Variants in LINGO2 observed in about 807,000 individuals in gnomAD.
LINGO2 encodes leucine rich repeat and Ig domain containing 2.
In LINGO2, 14 loss-of-function variants were observed where a neutral mutation model predicts 30.6. The ratio of observed to expected loss-of-function variants is 0.46; its 90% CI spans 0.30 to 0.72. The LOEUF (loss-of-function observed/expected upper bound fraction) is 0.72, where lower values mean the gene tolerates loss of function less well. Ranked by LOEUF, LINGO2 falls within the 30% of genes least tolerant of loss-of-function variation. The pLI is 0.07. For synonymous variants in LINGO2, 317 were observed against 288.5 expected, an observed-to-expected ratio of 1.10 and a Z score of -1.00; for missense variants, 729 against 751.7, an observed-to-expected ratio of 0.97 and a Z score of 0.35.
At chr9:27,965,182 G>T (rs981789397) in intron 5 of LINGO2, among the ~76,000 whole-genome samples, 1 of 152,008 alleles carries the variant, frequency 6.6e-6, no homozygotes, top group Non-Finnish European at 1.5e-5. Flanking sequence ...GAAGGGGAAA[G>T]AAACTTTTCT....
At chr9:28,304,354 T>C (rs1824262330) in intron 3 of LINGO2, among the ~76,000 whole-genome samples, 1 of 151,324 alleles carries the variant, frequency 6.6e-6, no homozygotes, top group Non-Finnish European at 1.5e-5. Context: ...TATACACATA[T>C]ACTGATTTAT....
chr9:28,718,094 G>C, the LINGO2 span, among the ~76,000 whole-genome samples: 4 of 151,188 alleles, frequency 2.6e-5, no homozygotes, highest in Non-Finnish European at 4.4e-5. Flanking sequence ...AAATTTAAAA[G>C]ATTAATTTCA....
At chr9:28,550,554 G>C (rs901354653) in intron 1 of LINGO2, among the ~76,000 whole-genome samples, 7 of 151,324 alleles carry the variant, frequency 4.6e-5, no homozygotes, top group Non-Finnish European at 8.9e-5. Context: ...TATTATTTCA[G>C]TAATTGTCAG....
At chr9:28,718,191 A>C in the LINGO2 span, among the ~76,000 whole-genome samples, 1 of 151,916 alleles carries the variant, frequency 6.6e-6, no homozygotes, top group East Asian at 1.9e-4. Context: ...AAAAAAAAAC[A>C]AACCATGTGA....
intron 1 of LINGO2, among the ~76,000 whole-genome samples, chr9:28,616,952 G>A (rs554853920): frequency 1.3e-5 from 2 of 152,156 alleles, no homozygotes; most frequent in South Asian, 4.2e-4. Flanking sequence ...ATATATGTTT[G>A]TTTGTTTTTT....
At chr9:28,505,107 C>G (rs1202956414) in intron 1 of LINGO2, among the ~76,000 whole-genome samples, 2 of 151,870 alleles carry the variant, frequency 1.3e-5, no homozygotes, top group African/African-American at 4.8e-5. Flanking sequence ...GAAGAAGCAA[C>G]AGTAAGTTAC....
chr9:28,866,444 C>T, the LINGO2 span, among the ~76,000 whole-genome samples: 6,389 of 151,974 alleles, frequency 0.042, 438 homozygotes, highest in African/African-American at 0.14. Context: ...CAGAGTACCA[C>T]GGGGCATACA....
At chr9:28,739,458 G>T in the LINGO2 span, among the ~76,000 whole-genome samples, 1 of 151,812 alleles carries the variant, frequency 6.6e-6, no homozygotes, top group Admixed American at 6.6e-5. Flanking sequence ...AATGAAAAGA[G>T]TAAATACATA....
chr9:28,719,891 T>C, the LINGO2 span, among the ~76,000 whole-genome samples: 4 of 152,160 alleles, frequency 2.6e-5, no homozygotes, highest in African/African-American at 9.6e-5. Flanking sequence ...ATTATGTAAA[T>C]TGCATGAACT....
chr9:28,309,147 G>T (rs1564112355), intron 3 of LINGO2, among the ~76,000 whole-genome samples: 2 of 152,114 alleles, frequency 1.3e-5, no homozygotes, highest in Non-Finnish European at 2.9e-5. Context: ...GTTTATTGTG[G>T]CATTATTCAC....
chr9:28,643,348 A>C (rs561138857), intron 1 of LINGO2, among the ~76,000 whole-genome samples: 1 of 152,184 alleles, frequency 6.6e-6, no homozygotes, highest in Admixed American at 6.5e-5. Flanking sequence ...AGACACATAG[A>C]CCAACGGAAC....
At chr9:27,973,372 T>C (rs903800271) in intron 5 of LINGO2, among the ~76,000 whole-genome samples, 2 of 152,168 alleles carry the variant, frequency 1.3e-5, no homozygotes, top group East Asian at 1.9e-4. Flanking sequence ...GAATCTTCAC[T>C]GTTCATGAAC....
chr9:28,081,207 G>C (rs1825762617), intron 4 of LINGO2, among the ~76,000 whole-genome samples: 1 of 151,318 alleles, frequency 6.6e-6, no homozygotes, highest in African/African-American at 2.4e-5. Context: ...CCCTGTTGTG[G>C]CAAATAAAAC....
intron 4 of LINGO2, among the ~76,000 whole-genome samples, chr9:28,214,120 A>G (rs1820686033): frequency 6.6e-6 from 1 of 151,636 alleles, no homozygotes. Context: ...TGGAGTAGAG[A>G]GAAAGTAAGA....
the LINGO2 span, among the ~76,000 whole-genome samples, chr9:29,172,196 ATAGT>A: frequency 2.0e-5 from 3 of 151,866 alleles, no homozygotes; most frequent in African/African-American, 7.2e-5. Context: ...AGTATTTTTG[ATAGT>A]TATTCATTTT....
rs1453668018 is a variant in LINGO2, at chr9:28,291,502, T to C, written c.-87+3706A>G. Reference sequence around the variant, plus strand: ...AAATGCTCTGCCCGTATGGAAGTTATAGTCTAATAGCTGCCAAGAGTTTTT... The same window carrying C: ...AAATGCTCTGCCCGTATGGAAGTTACAGTCTAATAGCTGCCAAGAGTTTTT... On this transcript the variant is annotated intron_variant, in intron 4 of 5. Transcript: ENST00000379992. 3.9e-5 allele frequency among the ~76,000 whole-genome samples: 6 copies of C among 152,288 alleles called. No homozygotes were observed. The East Asian group carries it at 1.2e-3, about 29-fold the overall frequency.
chr9:28,552,366 A>G (rs920009364), intron 1 of LINGO2, among the ~76,000 whole-genome samples: 11 of 152,210 alleles, frequency 7.2e-5, no homozygotes, highest in African/African-American at 2.2e-4. Context: ...TAAAAGTCTT[A>G]AATACTTTGT....
At chr9:28,493,929 C>G (rs1213522368) in intron 1 of LINGO2, among the ~76,000 whole-genome samples, 1 of 152,158 alleles carries the variant, frequency 6.6e-6, no homozygotes, top group African/African-American at 2.4e-5. Context: ...TGGGACTTGA[C>G]TGGCTTCCTC....
intron 1 of LINGO2, among the ~76,000 whole-genome samples, chr9:28,584,815 G>C (rs1026238134): frequency 4.4e-4 from 67 of 151,960 alleles, no homozygotes; most frequent in African/African-American, 1.6e-3. Context: ...TTGTCACTAA[G>C]TTTAACATAT....
Sources: allele counts gnomAD v4.1 joint callset (sites outside exome capture counted in the v4.1 genomes callset), GRCh38; gene constraint gnomAD v4.1.1; transcripts MANE v1.5; gene names NCBI Gene and HGNC (gene_info 2026-07-23, HGNC 2026-07-21).